The following N4BP1 variants were observed in gnomAD, a reference collection of about 807,000 sequenced individuals.
The protein encoded by N4BP1 is NEDD4-binding protein 1.
Under a neutral mutation model 70.9 loss-of-function variants are expected in N4BP1, and 21 were observed. The observed-to-expected ratio is 0.30, with a 90% confidence interval of 0.21 to 0.43. The LOEUF is 0.43. Among genes scored for constraint, N4BP1 ranks in the 20% least tolerant of loss-of-function variants. The pLI is 1.00. For missense variants in N4BP1, 936 were observed against 1,069.4 expected (o/e 0.88, Z 1.74); for synonymous variants, 387 against 394.6 (o/e 0.98, Z 0.23).
intron 4 of N4BP1, among the ~76,000 whole-genome samples, chr16:48,550,931 A>G (rs1330670616): frequency 6.6e-6 from 1 of 152,056 alleles, no homozygotes; most frequent in African/African-American, 2.4e-5. Context: ...GAAAAAAAAA[A>G]AAGAAAGAAA....
chr16:48,574,455 T>G (rs754628709), intron 1 of N4BP1, among the ~76,000 whole-genome samples: 2 of 152,244 alleles, frequency 1.3e-5, no homozygotes, highest in African/African-American at 4.8e-5. Context: ...TGAATATTAT[T>G]ATGCAAGAAT....
intron 1 of N4BP1, among the ~76,000 whole-genome samples, chr16:48,582,324 C>T (rs189158954): frequency 4.1e-4 from 63 of 152,194 alleles, no homozygotes; most frequent in Admixed American, 1.3e-3. Context: ...TGAAATCTTC[C>T]GCTATCCAGT....
intron 1 of N4BP1, among the ~76,000 whole-genome samples, chr16:48,571,275 A>G (rs1166331361): frequency 6.6e-6 from 1 of 152,108 alleles, no homozygotes; most frequent in Non-Finnish European, 1.5e-5. Context: ...AGCAACAACC[A>G]GCCAAGCTGA....
At chr16:48,571,645 A>G (rs1964022425) in intron 1 of N4BP1, among the ~76,000 whole-genome samples, 1 of 152,202 alleles carries the variant, frequency 6.6e-6, no homozygotes, top group Admixed American at 6.5e-5. Flanking sequence ...GGAAGGAAGA[A>G]AAAGAAGAGG....
Position 48,610,154 on chromosome 16 carries a change from T to A in N4BP1, c.-182A>T, listed in dbSNP as rs1964663545. On this transcript the variant is annotated 5_prime_UTR_variant, in exon 1 of 7. Coordinates refer to ENST00000262384, the MANE Select transcript of N4BP1 (RefSeq NM_153029.4). Reference sequence around the variant, plus strand: ...CCATCCCGCCACGACCGCAGCAGCTTGGCAATTGCTGGCAGCGAACCCCTC... The same window carrying A: ...CCATCCCGCCACGACCGCAGCAGCTAGGCAATTGCTGGCAGCGAACCCCTC... The A allele has an allele frequency of 5.7e-6, 1 of 174,722 alleles. No individual in the cohort carries two copies. The highest frequency in any genetic ancestry group is 1.1e-5 in the Non-Finnish European group (1 of 87,770). 10.8% of individuals were successfully genotyped at this position (174,722 alleles called of 1,614,324 possible).
intron 1 of N4BP1, among the ~76,000 whole-genome samples, chr16:48,583,832 C>T (rs1450020435): frequency 5.3e-5 from 8 of 152,216 alleles, no homozygotes; most frequent in East Asian, 1.9e-4. Context: ...CTCAGATGCC[C>T]GAAGGGACTC....
rs1597104074 is a variant in N4BP1 at position 48,578,630 on chromosome 16, C to A, written c.199-16186G>T. On this transcript the variant is annotated intron_variant, in intron 1 of 6. Coordinates refer to ENST00000262384, the MANE Select transcript of N4BP1 (RefSeq NM_153029.4). The stretch of plus-strand genomic sequence containing the variant: ...CACACTCCACTCCTCTGTTACAGTA[C>A]CAAAGTTCTGAAAACGTACCAATTT... Among the ~76,000 whole-genome samples the A allele has an allele frequency of 2.6e-5, 4 of 152,304 alleles. No individual in the cohort carries two copies. The South Asian group carries it at 8.3e-4, about 32-fold the overall frequency.
In N4BP1 at chr16:48,548,133, G is replaced by C. The variant is rs1222670625; in HGVS notation, c.2118-19C>G. 3 of 1,461,448 alleles carry C rather than the reference G, an allele frequency of 2.1e-6. No individual in the cohort carries two copies. Among genetic ancestry groups the C allele is most frequent in the Middle Eastern group, 1.7e-4 (1 of 5,794 alleles). 90.5% of individuals were successfully genotyped at this position (1,461,448 alleles called of 1,614,324 possible). Reference sequence around the variant, plus strand: ...TAGAAACCTATGGTAATATAAGAGAGTTTAAAATCAGCAACAGGCATCCTT... The same window carrying C: ...TAGAAACCTATGGTAATATAAGAGACTTTAAAATCAGCAACAGGCATCCTT... On this transcript the variant is annotated intron_variant, in intron 4 of 6. Transcript: ENST00000262384.
intron 1 of N4BP1, among the ~76,000 whole-genome samples, chr16:48,563,471 G>A (rs1049819703): frequency 6.6e-6 from 1 of 151,402 alleles, no homozygotes; most frequent in African/African-American, 2.4e-5. Context: ...GGAATGGCGC[G>A]ATCTCCCAGG....
intron 2 of N4BP1, among the ~76,000 whole-genome samples, chr16:48,559,228 T>A (rs533790281): frequency 7.2e-5 from 11 of 152,276 alleles, no homozygotes; most frequent in African/African-American, 2.6e-4. Flanking sequence ...ATTACAAATA[T>A]ACTATAAACA....
intron 2 of N4BP1, among the ~76,000 whole-genome samples, chr16:48,553,992 C>A (rs1963712731): frequency 1.3e-5 from 2 of 152,112 alleles, no homozygotes; most frequent in Admixed American, 6.6e-5. Flanking sequence ...ATGGTCATAA[C>A]CCCTGCAACC....
At chr16:48,599,515 A>G (rs1472697917) in intron 1 of N4BP1, among the ~76,000 whole-genome samples, 1 of 152,210 alleles carries the variant, frequency 6.6e-6, no homozygotes, top group Non-Finnish European at 1.5e-5. Flanking sequence ...TTATTCTAAC[A>G]CTGTTTTTTC....
chr16:48,553,694 T>C, intron 2 of N4BP1, 25 bp from the exon 3 acceptor site: 16 of 1,518,990 alleles, frequency 1.1e-5, no homozygotes, highest in Non-Finnish European at 1.3e-5. Context: ...GTAAAGAAAA[T>C]AAGTAAAGTT....
intron 1 of N4BP1, among the ~76,000 whole-genome samples, chr16:48,595,257 T>A (rs940272869): frequency 6.6e-6 from 1 of 151,456 alleles, no homozygotes; most frequent in African/African-American, 2.4e-5. Flanking sequence ...AGGCCAGGAG[T>A]TCGAGACCAG....
At chr16:48,552,238 T>C (rs1282234835) in intron 3 of N4BP1, among the ~76,000 whole-genome samples, 2 of 152,034 alleles carry the variant, frequency 1.3e-5, no homozygotes, top group Non-Finnish European at 2.9e-5. Flanking sequence ...TTTGCCAGTT[T>C]TCATGGGGGT....
intron 1 of N4BP1, among the ~76,000 whole-genome samples, chr16:48,565,339 T>C (rs1459858074): frequency 6.6e-6 from 1 of 152,202 alleles, no homozygotes; most frequent in Non-Finnish European, 1.5e-5. Flanking sequence ...ACCTATTCTC[T>C]AGGATCATGA....
intron 5 of N4BP1, chr16:48,546,709 A>G (rs1052212844): frequency 6.6e-6 from 1 of 152,520 alleles, no homozygotes; most frequent in Non-Finnish European, 1.5e-5. Flanking sequence ...AATAAAGGAA[A>G]TCTGAGGTCT....
At chr16:48,559,938 G>A (rs1234334187) in intron 2 of N4BP1, among the ~76,000 whole-genome samples, 2 of 152,180 alleles carry the variant, frequency 1.3e-5, no homozygotes, top group South Asian at 2.1e-4. Flanking sequence ...TTGTTGAAAT[G>A]ATATGGTAAA....
At chr16:48,591,017 T>TG (rs1964329344) in intron 1 of N4BP1, among the ~76,000 whole-genome samples, 1 of 152,214 alleles carries the variant, frequency 6.6e-6, no homozygotes, top group African/African-American at 2.4e-5. Context: ...TTGGAAGCTC[T>TG]TCTGTCTGTC....
Sources: gnomAD v4.1 joint callset for allele counts (sites outside exome capture counted in the v4.1 genomes callset) on GRCh38, gnomAD v4.1.1 for gene constraint, MANE v1.5 for transcripts, NCBI Gene and HGNC (gene_info 2026-07-23, HGNC 2026-07-21) for gene names.